Variants in PAPPA observed in about 807,000 individuals in gnomAD.
The protein encoded by PAPPA is pappalysin 1.
A neutral mutation model predicts 164.0 loss-of-function variants in PAPPA; 60 were observed. The ratio of observed to expected loss-of-function variants is 0.37; its 90% CI spans 0.30 to 0.45. PAPPA has a LOEUF of 0.45. Ranked by LOEUF, PAPPA falls within the 20% of genes least tolerant of loss-of-function variation. The pLI is 1.00. For synonymous variants in PAPPA, 875 were observed against 814.1 expected (o/e 1.07, Z -1.27); for missense variants, 1,782 against 2,087.3 (o/e 0.85, Z 2.85).
chr9:116,154,486 A>T lies in PAPPA; in HGVS notation c.314A>T (p.Gln105Leu). The change falls in exon 1 of 22, where the codon CAG (glutamine) becomes CTG (leucine). Residue 105 changes from glutamine (Q) to leucine (L), a missense_variant. Transcript: ENST00000328252. This position sits in a 1 kb window ranked among gnomAD's most constrained non-coding sequence, Gnocchi z 5.2. ...CTCTATTTCAGCGGGCGAGGCGAGC[A>T]GCTGCGCCTCCGGGCCGACCTCGAG... ...RALYFSGRGEQLRLRADLELP... is the reference protein window; with the variant it reads ...RALYFSGRGELLRLRADLELP... 7.6e-7 allele frequency: 1 copy of T among 1,309,424 alleles called. No individual in the cohort carries two copies. Among genetic ancestry groups the T allele is most frequent in the Non-Finnish European group, 9.7e-7 (1 of 1,027,546 alleles). 81.1% of individuals were successfully genotyped at this position (1,309,424 alleles called of 1,614,324 possible).
intron 1 of PAPPA, among the ~76,000 whole-genome samples, chr9:116,182,045 A>G (rs1055572768): frequency 6.6e-6 from 1 of 152,202 alleles, no homozygotes; most frequent in South Asian, 2.1e-4. Flanking sequence ...CACTTAATGT[A>G]TTGACCATGA....
chr9:116,373,312 C>A (rs1481298296), intron 19 of PAPPA: 1 of 152,086 alleles, frequency 6.6e-6, no homozygotes, highest in African/African-American at 2.4e-5. Flanking sequence ...CACCTCCAAG[C>A]AGATACTCTT....
chr9:116,174,906 A>G (rs746830736), intron 1 of PAPPA, among the ~76,000 whole-genome samples: 5 of 152,154 alleles, frequency 3.3e-5, no homozygotes, highest in African/African-American at 4.8e-5. Flanking sequence ...AAATTAAAGC[A>G]CAAGTTCCCG....
At position 116,235,477 on chromosome 9, in the gene PAPPA, C is replaced by A; in HGVS notation, c.2572C>A (p.Leu858Met). ...GGTGTATGGCATCCAAATCTACACG[C>A]TGGATGAGCACCTGGAGATCGATGC... The part of the protein sequence containing the change: ...EEVYGIQIYT[L>M]DEHLEIDAAM... Residue 858 changes from leucine to methionine, a missense_variant, in exon 7 of 22, where the codon CTG becomes ATG. By Grantham distance (15) the Leu-to-Met change is conservative. Transcript: ENST00000328252. 1 of 1,613,528 alleles carries A rather than the reference C, an allele frequency of 6.2e-7. No homozygotes were observed. Among genetic ancestry groups the A allele is most frequent in the Non-Finnish European group, 8.5e-7 (1 of 1,179,822 alleles).
intron 1 of PAPPA, among the ~76,000 whole-genome samples, chr9:116,180,587 GT>G (rs1309296433): frequency 6.6e-6 from 1 of 152,058 alleles, no homozygotes; most frequent in Non-Finnish European, 1.5e-5. Flanking sequence ...TCCTGGTGGA[GT>G]TTTTTCTCCT....
At chr9:116,367,309 C>T (rs1298011226) in intron 18 of PAPPA, among the ~76,000 whole-genome samples, 3 of 152,116 alleles carry the variant, frequency 2.0e-5, no homozygotes, top group Admixed American at 6.6e-5. Context: ...TTGACCAGAC[C>T]GCAGGAGGCA....
intron 6 of PAPPA, among the ~76,000 whole-genome samples, chr9:116,233,973 C>T (rs1844629317): frequency 6.6e-6 from 1 of 151,998 alleles, no homozygotes; most frequent in African/African-American, 2.4e-5. Context: ...GGAATTTGAG[C>T]CTGCAATGAG....
At chr9:116,395,180 G>C (rs1289503838) in intron 21 of PAPPA, among the ~76,000 whole-genome samples, 3 of 152,124 alleles carry the variant, frequency 2.0e-5, no homozygotes, top group Non-Finnish European at 4.4e-5. Flanking sequence ...ACATGTTCAA[G>C]GTCACATCTC....
At chr9:116,183,330 A>G (rs1843929818) in intron 1 of PAPPA, among the ~76,000 whole-genome samples, 1 of 152,194 alleles carries the variant, frequency 6.6e-6, no homozygotes, top group Non-Finnish European at 1.5e-5. Flanking sequence ...ACAAGGAACC[A>G]TTCTATCAGT....
Position 116,353,625 on chromosome 9 carries a change from G to T in PAPPA, c.4179G>T (p.Arg1393=). Reference sequence around the variant, plus strand: ...CTGTTTGATCCTTTCCTTGAAGACGGGCCTTCAAGACTCAGTGTACCCAGG... The same window carrying T: ...CTGTTTGATCCTTTCCTTGAAGACGTGCCTTCAAGACTCAGTGTACCCAGG... ...VPGSSRKSKK[R]AFKTQCTQDG... The change falls in exon 17 of 22, where the codon CGG becomes CGT. Residue 1393 remains arginine (R), a synonymous_variant. Transcript: ENST00000328252. 2 of 1,613,520 alleles carry T rather than the reference G, an allele frequency of 1.2e-6. No individual in the cohort carries two copies. Among genetic ancestry groups the T allele is most frequent in the Non-Finnish European group, 1.7e-6 (2 of 1,179,744 alleles).
At position 116,220,759 on chromosome 9, in the gene PAPPA, G is replaced by A. The variant is rs149745696; in HGVS notation, c.2111+630G>A. On this transcript the variant is annotated intron_variant, in intron 5 of 21. Transcript: ENST00000328252. ...AAATTAGACGGGTGTGGTGGTGCGC[G>A]CCTGTAATCCCAGCTACATGGGAGG... Among the ~76,000 whole-genome samples the A allele has an allele frequency of 9.9e-3, 1,493 of 151,406 alleles. 26 individuals are homozygous for A. The highest frequency in any genetic ancestry group is 0.033 in the African/African-American group (1,373 of 41,334).
chr9:116,281,541 CA>C (rs1353075655), intron 9 of PAPPA, among the ~76,000 whole-genome samples: 1 of 152,138 alleles, frequency 6.6e-6, no homozygotes, highest in African/African-American at 2.4e-5. Context: ...GGAACCCAAA[CA>C]GATGACCTTC....
chr9:116,157,019 T>C (rs997133710), intron 1 of PAPPA, among the ~76,000 whole-genome samples: 1 of 152,220 alleles, frequency 6.6e-6, no homozygotes. Context: ...CCTGGTCACC[T>C]ATCTTGAGAG....
chr9:116,309,924 C>T (rs1322572774), intron 10 of PAPPA, among the ~76,000 whole-genome samples: 1 of 149,680 alleles, frequency 6.7e-6, no homozygotes, highest in Non-Finnish European at 1.5e-5. Flanking sequence ...TTCAGAACAA[C>T]CCTGCTGAGA....
Position 116,274,631 on chromosome 9 carries a change from A to G in PAPPA, c.2953+3215A>G, listed in dbSNP as rs532223049. Reference sequence around the variant, plus strand: ...AAGCCTCAGTGTTCTCATGTAGAAAATGGTAAAAGCCCTAGAACCCAACAG... The same window carrying G: ...AAGCCTCAGTGTTCTCATGTAGAAAGTGGTAAAAGCCCTAGAACCCAACAG... On this transcript the variant is annotated intron_variant, in intron 9 of 21. Coordinates refer to ENST00000328252, the MANE Select transcript of PAPPA (RefSeq NM_002581.5). 6.6e-5 allele frequency among the ~76,000 whole-genome samples: 10 copies of G among 152,336 alleles called. No individual in the cohort carries two copies. The East Asian group carries it at 1.7e-3, about 26-fold the overall frequency.
At chr9:116,365,692 A>G (rs1329641056) in intron 18 of PAPPA, among the ~76,000 whole-genome samples, 1 of 151,488 alleles carries the variant, frequency 6.6e-6, no homozygotes, top group African/African-American at 2.4e-5. Context: ...AACTGGTCTC[A>G]TGATAAAGCA....
chr9:116,212,015 G>T (rs765990480), intron 4 of PAPPA, 83 bp downstream of exon 4: 11 of 1,209,648 alleles, frequency 9.1e-6, no homozygotes, highest in Non-Finnish European at 8.3e-6. Context: ...CCTTGAACAA[G>T]CTACTTACCA....
chr9:116,265,890 G>T lies in PAPPA; in HGVS notation c.2766G>T (p.Trp922Cys), dbSNP rs1210632239. 6.2e-7 allele frequency: 1 copy of T among 1,610,006 alleles called. No individual in the cohort carries two copies. Among genetic ancestry groups the T allele is most frequent in the African/African-American group, 1.3e-5 (1 of 74,848 alleles). The change falls in exon 8 of 22, where the codon TGG becomes TGT. Residue 922 changes from tryptophan to cysteine, a missense_variant. This residue lies in a region of PAPPA where 1,324 missense variants were observed against 1,656.9 expected (regional missense o/e 0.80). Coordinates refer to ENST00000328252, the MANE Select transcript of PAPPA (RefSeq NM_002581.5). ...DLNLGSVYQY[W>C]VITISGTEES... ...ATCTTGGCAGTGTGTACCAGTATTG[G>T]GTCATAACTATTTCAGGAACTGAAG...
chr9:116,183,068 A>G (rs1377094072), intron 1 of PAPPA, among the ~76,000 whole-genome samples: 3 of 152,158 alleles, frequency 2.0e-5, no homozygotes, highest in African/African-American at 7.2e-5. Flanking sequence ...ATCATCCTCT[A>G]GTCCCACACA....
Sources: allele counts gnomAD v4.1 joint callset (sites outside exome capture counted in the v4.1 genomes callset), GRCh38; gene constraint gnomAD v4.1.1; regional missense constraint gnomAD v4.1.1; non-coding constraint Gnocchi (gnomAD v3.1); transcripts MANE v1.5; gene names NCBI Gene and HGNC (gene_info 2026-07-23, HGNC 2026-07-21).